Variants in SUMF1 observed in about 807,000 individuals in gnomAD.
SUMF1 encodes the protein formylglycine-generating enzyme.
A neutral mutation model predicts 47.6 loss-of-function variants in SUMF1; 48 were observed. The ratio of observed to expected loss-of-function variants is 1.01; its 90% CI spans 0.80 to 1.28. The LOEUF is 1.28. SUMF1 is among the 50% of genes most tolerant of loss of function. The probability of loss-of-function intolerance (pLI) is 0.00; values close to 1 mark genes in which losing one functional copy is unlikely to be tolerated. For synonymous variants in SUMF1, 230 were observed against 192.1 expected, an observed-to-expected ratio of 1.20 and a Z score of -1.63; for missense variants, 571 against 485.4, an observed-to-expected ratio of 1.18 and a Z score of -1.66.
intron 8 of SUMF1, among the ~76,000 whole-genome samples, chr3:4,186,302 G>A (rs1462127977): frequency 6.6e-6 from 1 of 152,104 alleles, no homozygotes; most frequent in Non-Finnish European, 1.5e-5. Context: ...GTATTTGGAG[G>A]TTCAATCCTA....
At chr3:4,385,496 T>C (rs1700643524) in intron 7 of SUMF1, among the ~76,000 whole-genome samples, 1 of 152,176 alleles carries the variant, frequency 6.6e-6, no homozygotes, top group Non-Finnish European at 1.5e-5. Context: ...CTGCTGAGTG[T>C]TGAGTTTTTT....
chr3:4,361,714 T>C lies in SUMF1; in HGVS notation c.*430A>G. The C allele has an allele frequency of 9.9e-6, 2 of 201,872 alleles. No individual in the cohort carries two copies. The highest frequency in any genetic ancestry group is 1.0e-5 in the Non-Finnish European group (1 of 97,520). 12.5% of individuals were successfully genotyped at this position (201,872 alleles called of 1,614,324 possible). A position where few individuals can be genotyped will look rare whatever the true frequency, so the allele number is the denominator to read the frequency against. ...GAAGTCACAATAGAATCTGATACCC[T>C]TTTTAGAACTGGTGAGTTGGAGAGA... On this transcript the variant is annotated 3_prime_UTR_variant, in exon 9 of 9. Transcript: ENST00000272902.
chr3:4,276,548 T>C (rs757349285), intron 8 of SUMF1, among the ~76,000 whole-genome samples: 2 of 152,166 alleles, frequency 1.3e-5, no homozygotes, highest in Non-Finnish European at 2.9e-5. Flanking sequence ...TCTTAAGTTC[T>C]TGGGGTCTCC....
At chr3:4,451,563 G>A (rs1162136275) in intron 2 of SUMF1, among the ~76,000 whole-genome samples, 1 of 152,168 alleles carries the variant, frequency 6.6e-6, no homozygotes, top group Non-Finnish European at 1.5e-5. Context: ...TAATCTTCAT[G>A]GAGAACCCTG....
intron 9 of SUMF1, among the ~76,000 whole-genome samples, chr3:4,059,451 G>T (rs1242917696): frequency 1.3e-5 from 2 of 152,172 alleles, no homozygotes; most frequent in Admixed American, 1.3e-4. Context: ...ACATCTAAAA[G>T]TGCAGCTCTG....
chr3:4,259,425 A>G (rs971544209), intron 8 of SUMF1, among the ~76,000 whole-genome samples: 14 of 152,210 alleles, frequency 9.2e-5, no homozygotes, highest in Admixed American at 2.6e-4. Flanking sequence ...CTGCAGTTAT[A>G]TAAGATCATA....
intron 8 of SUMF1, among the ~76,000 whole-genome samples, chr3:4,351,973 C>A (rs1367305891): frequency 3.3e-5 from 5 of 152,180 alleles, no homozygotes; most frequent in African/African-American, 1.2e-4. Flanking sequence ...AGTCACAAAT[C>A]TAGTAAGTGG....
At chr3:4,200,174 A>ATTTTT (rs35851983) in intron 8 of SUMF1, among the ~76,000 whole-genome samples, 167 of 125,880 alleles carry the variant, frequency 1.3e-3, no homozygotes, top group African/African-American at 4.8e-3. Flanking sequence ...AAGCATCAAG[A>ATTTTT]TTTTTTTTTT....
chr3:4,279,397 G>A (rs1198829694), intron 8 of SUMF1, among the ~76,000 whole-genome samples: 6 of 152,078 alleles, frequency 3.9e-5, no homozygotes, highest in African/African-American at 7.2e-5. Flanking sequence ...CAGCCTGCAT[G>A]CCCATCAACA....
intron 8 of SUMF1, among the ~76,000 whole-genome samples, chr3:4,094,429 T>C (rs551889577): frequency 3.3e-5 from 5 of 152,132 alleles, no homozygotes; most frequent in African/African-American, 1.2e-4. Flanking sequence ...AATGATATAA[T>C]TACCAAAAGA....
intron 8 of SUMF1, among the ~76,000 whole-genome samples, chr3:4,137,792 C>A (rs1187480505): frequency 6.6e-6 from 1 of 152,006 alleles, no homozygotes; most frequent in African/African-American, 2.4e-5. Context: ...TACCACTGTA[C>A]TGGAGGTTCT....
At position 4,167,504 on chromosome 3, in the gene SUMF1, CA is replaced by C. The variant is rs147271198; in HGVS notation, c.1015-98760del. Reference sequence around the variant, plus strand: ...ACACAGTGCTGATTGGTACATTTTACAAACCTCTCACTCCCTACAGAGCACT... The same window carrying C: ...ACACAGTGCTGATTGGTACATTTTACAACCTCTCACTCCCTACAGAGCACT... On this transcript the variant is annotated intron_variant and NMD_transcript_variant, in intron 8 of 12. Transcript: ENST00000448413. Among the ~76,000 whole-genome samples, 304 of 152,270 alleles carry C rather than the reference CA, an allele frequency of 2.0e-3. 10 individuals are homozygous for C. The East Asian group carries it at 0.022, about 11-fold the overall frequency.
At chr3:4,456,782 G>A (rs535344382) in intron 1 of SUMF1, among the ~76,000 whole-genome samples, 1 of 117,034 alleles carries the variant, frequency 8.5e-6, no homozygotes. Context: ...ACATATATAC[G>A]TGTGTGTGTA....
intron 8 of SUMF1, among the ~76,000 whole-genome samples, chr3:4,257,718 A>G (rs1696987512): frequency 6.6e-6 from 1 of 151,778 alleles, no homozygotes; most frequent in Non-Finnish European, 1.5e-5. Flanking sequence ...TGCCATCCCC[A>G]TCAAGCTACC....
At chr3:4,043,284 T>G (rs1369145979) in intron 9 of SUMF1, among the ~76,000 whole-genome samples, 2 of 152,126 alleles carry the variant, frequency 1.3e-5, no homozygotes, top group Non-Finnish European at 2.9e-5. Context: ...TCTTCCTAGG[T>G]GCCTCAGCCC....
chr3:4,118,878 C>A (rs1428986365), intron 8 of SUMF1, among the ~76,000 whole-genome samples: 1 of 152,110 alleles, frequency 6.6e-6, no homozygotes, highest in Non-Finnish European at 1.5e-5. Context: ...TTTTACTCTA[C>A]ACACTTGCTG....
chr3:4,241,732 C>A (rs770243438), intron 8 of SUMF1, among the ~76,000 whole-genome samples: 1 of 152,052 alleles, frequency 6.6e-6, no homozygotes, highest in Non-Finnish European at 1.5e-5. Context: ...ACAGATACCA[C>A]GAGAAGTGGG....
intron 8 of SUMF1, among the ~76,000 whole-genome samples, chr3:4,242,622 C>T (rs1696565896): frequency 6.6e-6 from 1 of 152,156 alleles, no homozygotes; most frequent in Non-Finnish European, 1.5e-5. Flanking sequence ...AGGGATAAAG[C>T]CCACTTGATC....
intron 3 of SUMF1, among the ~76,000 whole-genome samples, chr3:4,439,457 T>C (rs942529786): frequency 2.6e-5 from 4 of 151,830 alleles, no homozygotes; most frequent in African/African-American, 4.8e-5. Flanking sequence ...GCCCAGGAGG[T>C]CAAGGATGCT....
Sources: allele counts gnomAD v4.1 joint callset (sites outside exome capture counted in the v4.1 genomes callset), GRCh38; gene constraint gnomAD v4.1.1; transcripts MANE v1.5; gene names NCBI Gene and HGNC (gene_info 2026-07-23, HGNC 2026-07-21).